The following PLD5 variants were observed in gnomAD, a reference collection of about 807,000 sequenced individuals.
PLD5 encodes the protein phospholipase D family member 5.
In PLD5, 36 loss-of-function variants were observed where a neutral mutation model predicts 61.1. That is an observed-to-expected ratio of 0.59 (90% confidence interval 0.45 to 0.78). PLD5 has a LOEUF of 0.78. Among genes scored for constraint, PLD5 ranks in the 30% least tolerant of loss-of-function variants. PLD5 has a pLI of 0.00. For missense variants in PLD5, 515 were observed against 644.4 expected (o/e 0.80, Z 2.17); for synonymous variants, 243 against 242.8 (o/e 1.00, Z -0.01).
At chr1:242,173,548 T>C (rs917273448) in intron 5 of PLD5, among the ~76,000 whole-genome samples, 1 of 152,106 alleles carries the variant, frequency 6.6e-6, no homozygotes, top group African/African-American at 2.4e-5. Flanking sequence ...TGGAAAAAAT[T>C]AAAGTTCATA....
intron 6 of PLD5, among the ~76,000 whole-genome samples, chr1:242,122,120 A>T (rs145480686): frequency 6.6e-6 from 1 of 152,236 alleles, no homozygotes; most frequent in Admixed American, 6.5e-5. Flanking sequence ...TACACAGTTT[A>T]AAAAACTACC....
At chr1:242,353,813 T>C (rs1381261888) in intron 1 of PLD5, among the ~76,000 whole-genome samples, 1 of 152,150 alleles carries the variant, frequency 6.6e-6, no homozygotes, top group Non-Finnish European at 1.5e-5. Flanking sequence ...TTTATACTTT[T>C]TGGTGTAAAA....
At chr1:242,276,678 T>A (rs1003385442) in intron 3 of PLD5, among the ~76,000 whole-genome samples, 1 of 151,480 alleles carries the variant, frequency 6.6e-6, no homozygotes, top group Non-Finnish European at 1.5e-5. Flanking sequence ...AATGGATCAA[T>A]CAGAGCTTTA....
intron 4 of PLD5, among the ~76,000 whole-genome samples, chr1:242,225,667 C>T (rs1037233138): frequency 4.6e-5 from 7 of 152,162 alleles, no homozygotes; most frequent in East Asian, 1.9e-4. Context: ...CCACACATAA[C>T]GCACGTGAGA....
At chr1:242,433,425 G>A (rs1036578210) in intron 1 of PLD5, among the ~76,000 whole-genome samples, 3 of 152,272 alleles carry the variant, frequency 2.0e-5, no homozygotes, top group African/African-American at 7.2e-5. Context: ...AGACATGTTT[G>A]TGCTGGCTCC....
Position 242,141,345 on chromosome 1 carries a change from C to A in PLD5, c.736-16680G>T, listed in dbSNP as rs139651559. On this transcript the variant is annotated intron_variant, in intron 5 of 9. Coordinates refer to ENST00000536534, the MANE Select transcript of PLD5 (RefSeq NM_001372062.1). ...CCGATGACATTTTCCATCTTCCTCT[C>A]CGACTGCATCTTCTGTAAGGGGCAT... 3.6e-3 allele frequency among the ~76,000 whole-genome samples: 552 copies of A among 152,242 alleles called. 4 individuals carry two copies. Among genetic ancestry groups the A allele is most frequent in the African/African-American group, 0.013 (531 of 41,558 alleles).
chr1:242,363,436 G>A (rs369709872), intron 1 of PLD5, among the ~76,000 whole-genome samples: 11 of 147,606 alleles, frequency 7.5e-5, no homozygotes, highest in African/African-American at 2.8e-4. Flanking sequence ...TGGGCAACAT[G>A]GTGAGACCCT....
chr1:242,306,883 T>TCAC (rs1413933610), intron 2 of PLD5, among the ~76,000 whole-genome samples: 2 of 152,268 alleles, frequency 1.3e-5, no homozygotes, highest in African/African-American at 4.8e-5. Context: ...ACACATATGA[T>TCAC]ATCACATATT....
intron 1 of PLD5, among the ~76,000 whole-genome samples, chr1:242,354,022 A>G (rs1202961420): frequency 6.6e-6 from 1 of 150,728 alleles, no homozygotes; most frequent in East Asian, 2.0e-4. Context: ...TGGATTCTTT[A>G]GAGTTTCTTA....
chr1:242,168,872 C>T (rs1054804718), intron 5 of PLD5, among the ~76,000 whole-genome samples: 2 of 35,424 alleles, frequency 5.6e-5, no homozygotes, highest in African/African-American at 3.5e-4. Context: ...TTTTTACCAC[C>T]CCCCATGATT....
At chr1:242,455,483 A>C (rs1174085346) in intron 1 of PLD5, among the ~76,000 whole-genome samples, 1 of 152,220 alleles carries the variant, frequency 6.6e-6, no homozygotes, top group Non-Finnish European at 1.5e-5. Flanking sequence ...AAATCTCCTT[A>C]TTAACCTTTG....
intron 9 of PLD5, among the ~76,000 whole-genome samples, chr1:242,091,117 C>T: frequency 6.6e-6 from 1 of 152,000 alleles, no homozygotes; most frequent in East Asian, 1.9e-4. Context: ...TCCAAATTTC[C>T]CCCCTTTTAC....
Position 242,508,424 on chromosome 1 carries a change from C to A in PLD5, c.189+15664G>T, listed in dbSNP as rs148419928. On this transcript the variant is annotated intron_variant, in intron 1 of 9. Coordinates refer to ENST00000536534, the MANE Select transcript of PLD5 (RefSeq NM_001372062.1). ...ACCAGATGGAAATGACCAACTATAT[C>A]ATTTCCAACTCCTAATCAGAAGCCC... Among the ~76,000 whole-genome samples the A allele has an allele frequency of 3.4e-4, 51 of 152,158 alleles. 1 individual carries two copies. The East Asian group carries it at 9.3e-3, about 28-fold the overall frequency.
At chr1:242,124,330 T>C (rs1247239182) in intron 6 of PLD5, 138 bp downstream of exon 6, 1 of 742,176 alleles carries the variant, frequency 1.3e-6, no homozygotes, top group Non-Finnish European at 2.2e-6. Flanking sequence ...GGTGGACGCA[T>C]TTTAACTCTT....
At chr1:242,450,480 C>G (rs1228211795) in intron 1 of PLD5, among the ~76,000 whole-genome samples, 4 of 152,156 alleles carry the variant, frequency 2.6e-5, no homozygotes, top group African/African-American at 9.7e-5. Flanking sequence ...TTGCTTGGAG[C>G]CTGATTTGTT....
At chr1:242,169,114 T>C (rs747023826) in intron 5 of PLD5, among the ~76,000 whole-genome samples, 3 of 151,738 alleles carry the variant, frequency 2.0e-5, no homozygotes. Context: ...CAACCATTAG[T>C]ATCCCCCAAA....
intron 3 of PLD5, among the ~76,000 whole-genome samples, chr1:242,285,595 A>G (rs1674976968): frequency 6.6e-6 from 1 of 151,744 alleles, no homozygotes; most frequent in African/African-American, 2.4e-5. Context: ...GAAGAGTAGG[A>G]AATTTCCTTT....
intron 5 of PLD5, among the ~76,000 whole-genome samples, chr1:242,202,907 G>A (rs1669071912): frequency 6.6e-6 from 1 of 152,046 alleles, no homozygotes; most frequent in Admixed American, 6.5e-5. Flanking sequence ...GATGCAGGCG[G>A]GGATGCCAGG....
intron 5 of PLD5, among the ~76,000 whole-genome samples, chr1:242,130,950 A>T (rs1574357212): frequency 6.6e-6 from 1 of 152,094 alleles, no homozygotes; most frequent in South Asian, 2.1e-4. Context: ...AGGCTTAATT[A>T]AGGTCTCAAC....
Sources: allele counts gnomAD v4.1 joint callset (sites outside exome capture counted in the v4.1 genomes callset), GRCh38; gene constraint gnomAD v4.1.1; transcripts MANE v1.5; gene names NCBI Gene and HGNC (gene_info 2026-07-23, HGNC 2026-07-21).